The following PCDHA4 variants were observed in gnomAD, a reference collection of about 807,000 sequenced individuals.
The protein encoded by PCDHA4 is protocadherin alpha-4.
A neutral mutation model predicts 61.4 loss-of-function variants in PCDHA4; 49 were observed. The observed-to-expected ratio is 0.80, with a 90% confidence interval of 0.63 to 1.01. The LOEUF is 1.01. PCDHA4 is among the 50% of genes least tolerant of loss of function. The pLI is 0.00. For synonymous variants in PCDHA4, 590 were observed against 550.3 expected, an observed-to-expected ratio of 1.07 and a Z score of -1.01; for missense variants, 1,254 against 1,235.8, an observed-to-expected ratio of 1.01 and a Z score of -0.22.
At chr5:140,850,216 A>G (rs1390676090) in intron 1 of PCDHA4, 5 of 1,593,446 alleles carry the variant, frequency 3.1e-6, no homozygotes, top group Non-Finnish European at 4.3e-6. Flanking sequence ...AGGGGCACTG[A>G]CGGCGCAGTG....
chr5:140,926,928 G>T, intron 1 of PCDHA4: 1 of 1,574,878 alleles, frequency 6.3e-7, no homozygotes, highest in Non-Finnish European at 8.6e-7. Flanking sequence ...TATGTTTGTG[G>T]GTTTCCTGCG....
At chr5:141,004,597 C>CTTAG (rs1554259623) in intron 3 of PCDHA4, among the ~76,000 whole-genome samples, 1 of 152,218 alleles carries the variant, frequency 6.6e-6, no homozygotes, top group African/African-American at 2.4e-5. Flanking sequence ...GATGACAGTG[C>CTTAG]TTAGGCCTCA....
At chr5:140,902,986 T>C (rs569244845) in intron 1 of PCDHA4, among the ~76,000 whole-genome samples, 1 of 152,346 alleles carries the variant, frequency 6.6e-6, no homozygotes, top group East Asian at 1.9e-4. Flanking sequence ...GTTGGTTCCA[T>C]ATTTTTGCAA....
At chr5:140,821,969 T>C in intron 1 of PCDHA4, 2 of 1,614,136 alleles carry the variant, frequency 1.2e-6, no homozygotes, top group Non-Finnish European at 1.7e-6. Context: ...CTGTTCCGGG[T>C]GGCGTCCAAG....
chr5:140,977,433 A>G (rs939711301), intron 1 of PCDHA4, among the ~76,000 whole-genome samples: 6 of 152,218 alleles, frequency 3.9e-5, no homozygotes, highest in Non-Finnish European at 7.3e-5. Flanking sequence ...TAACACCGCT[A>G]GTAGATAATG....
At position 141,011,517 on chromosome 5, in the gene PCDHA4, T is replaced by C. The variant is rs1397450262; in HGVS notation, c.*1580T>C. 2.6e-5 allele frequency: 4 copies of C among 153,768 alleles called. No individual in the cohort carries two copies. The highest frequency in any genetic ancestry group is 5.9e-5 in the Non-Finnish European group (4 of 68,028). The allele number at this position is 153,768 out of a possible 1,614,324, so 9.5% of individuals were successfully genotyped here. On this transcript the variant is annotated 3_prime_UTR_variant, in exon 4 of 4. Transcript: ENST00000530339. Reference sequence around the variant, plus strand: ...ACCTGTGAAAAAGTGGAGTAGTGTTTTTTTAACCATTGTTAATCAGCTTTT... The same window carrying C: ...ACCTGTGAAAAAGTGGAGTAGTGTTCTTTTAACCATTGTTAATCAGCTTTT...
intron 1 of PCDHA4, among the ~76,000 whole-genome samples, chr5:140,889,643 G>A (rs141216075): frequency 1.3e-4 from 20 of 152,024 alleles, no homozygotes; most frequent in African/African-American, 4.8e-4. Context: ...ATTTGTGTTT[G>A]CAGGAGATGT....
chr5:140,882,602 A>G lies in PCDHA4; in HGVS notation c.2385+73030A>G, dbSNP rs782347582. 1.9e-6 allele frequency: 3 copies of G among 1,614,276 alleles called. No homozygotes were observed. In the South Asian group the frequency reaches 3.3e-5, roughly 18 times the overall value. ...CATCCACCTGGAGGTGATCGTGGAC[A>G]GGCCTCTGCAGGTTTTCCATGTGGA... On this transcript the variant is annotated intron_variant, in intron 1 of 3. Coordinates refer to ENST00000530339, the MANE Select transcript of PCDHA4 (RefSeq NM_018907.4).
In PCDHA4 at chr5:141,006,221, T is replaced by C. The variant is rs559314025; in HGVS notation, c.2534-3406T>C. Among the ~76,000 whole-genome samples, 485 of 152,162 alleles carry C rather than the reference T, an allele frequency of 3.2e-3. 7 individuals carry two copies. The highest frequency in any genetic ancestry group is 0.01 in the Middle Eastern group (3 of 294). On this transcript the variant is annotated intron_variant, in intron 3 of 3. Transcript: ENST00000530339. Reference sequence around the variant, plus strand: ...GTTATGCCTCATTTTTTTTTAAATTTTTTATTTTTAGATGGAGTCTTGCTC... The same window carrying C: ...GTTATGCCTCATTTTTTTTTAAATTCTTTATTTTTAGATGGAGTCTTGCTC...
intron 1 of PCDHA4, chr5:140,822,061 C>A (rs2150113317): frequency 3.1e-6 from 5 of 1,614,168 alleles, no homozygotes; most frequent in Non-Finnish European, 4.2e-6. Flanking sequence ...GGAGCTGTGC[C>A]GGCGGAGGGC....
intron 3 of PCDHA4, among the ~76,000 whole-genome samples, chr5:140,999,721 G>T (rs2097872214): frequency 6.6e-6 from 1 of 152,150 alleles, no homozygotes; most frequent in South Asian, 2.1e-4. Flanking sequence ...ACGGAGACCA[G>T]CCATTCCAAT....
At chr5:140,901,982 A>G (rs1250710466) in intron 1 of PCDHA4, among the ~76,000 whole-genome samples, 2 of 151,818 alleles carry the variant, frequency 1.3e-5, no homozygotes, top group Non-Finnish European at 1.5e-5. Flanking sequence ...TTACTTTTTA[A>G]TTTCATTTTC....
At chr5:140,863,975 T>G (rs1429361559) in intron 1 of PCDHA4, 2 of 153,508 alleles carry the variant, frequency 1.3e-5, no homozygotes, top group Non-Finnish European at 2.9e-5. Context: ...CACTACAGCC[T>G]GGGAGACAGG....
At chr5:141,000,412 TATA>T (rs2097919742) in intron 3 of PCDHA4, among the ~76,000 whole-genome samples, 3 of 102,806 alleles carry the variant, frequency 2.9e-5, no homozygotes, top group African/African-American at 7.7e-5. Flanking sequence ...TATATATATA[TATA>T]TATATATTTT....
chr5:140,892,237 A>G (rs1288947116), intron 1 of PCDHA4, among the ~76,000 whole-genome samples: 13 of 152,180 alleles, frequency 8.5e-5, no homozygotes, highest in Non-Finnish European at 7.4e-5. Context: ...TTGTCTCCAC[A>G]TAAACCTGGT....
chr5:140,808,599 G>A lies in PCDHA4; in HGVS notation c.1412G>A (p.Gly471Asp), dbSNP rs1554124647. 4 of 1,613,792 alleles carry A rather than the reference G, an allele frequency of 2.5e-6. No homozygotes were observed. The highest frequency in any genetic ancestry group is 1.3e-5 in the African/African-American group (1 of 74,944). Reference sequence around the variant, plus strand: ...TTCGTGAAGGAGAACAACCCGCCGGGCTGCCACATCTTCACTGTGTCTGCG... The same window carrying A: ...TTCGTGAAGGAGAACAACCCGCCGGACTGCCACATCTTCACTGTGTCTGCG... Reference protein sequence around the residue: ...TVFVKENNPPGCHIFTVSAWD... With the variant: ...TVFVKENNPPDCHIFTVSAWD... Residue 471 changes from glycine (G) to aspartate (D), a missense_variant, in exon 1 of 4, where the codon GGC becomes GAC. Physicochemically the swap from Gly to Asp is moderately conservative, Grantham distance 94. Coordinates refer to ENST00000530339, the MANE Select transcript of PCDHA4 (RefSeq NM_018907.4).
intron 2 of PCDHA4, among the ~76,000 whole-genome samples, chr5:140,980,093 G>A (rs1223807762): frequency 2.0e-5 from 3 of 152,166 alleles, no homozygotes; most frequent in South Asian, 2.1e-4. Context: ...AGTTGGCTTG[G>A]TAAGATGTCA....
intron 1 of PCDHA4, among the ~76,000 whole-genome samples, chr5:140,892,438 ATT>A (rs2063515415): frequency 6.6e-6 from 1 of 152,198 alleles, no homozygotes; most frequent in African/African-American, 2.4e-5. Context: ...ATTATCTAAA[ATT>A]TACATGTATT....
At chr5:140,830,659 T>G (rs1771191789) in intron 1 of PCDHA4, 2 of 412,340 alleles carry the variant, frequency 4.9e-6, no homozygotes, top group East Asian at 9.9e-5. Flanking sequence ...TATTCATAAT[T>G]TAAGTGAAAT....
Sources: allele counts gnomAD v4.1 joint callset (sites outside exome capture counted in the v4.1 genomes callset), GRCh38; gene constraint gnomAD v4.1.1; transcripts MANE v1.5; gene names NCBI Gene and HGNC (gene_info 2026-07-23, HGNC 2026-07-21).